The following PKIB variants were observed in gnomAD, a reference collection of about 807,000 sequenced individuals.
PKIB encodes the protein cAMP-dependent protein kinase inhibitor beta.
Under a neutral mutation model 4.5 loss-of-function variants are expected in PKIB, and 2 were observed. That is an observed-to-expected ratio of 0.44 (90% CI 0.18 to 1.39). PKIB has a LOEUF of 1.39. PKIB is among the 40% of genes most tolerant of loss of function. The pLI is 0.27. For synonymous variants in PKIB, 38 were observed against 36.0 expected, an observed-to-expected ratio of 1.06 and a Z score of -0.20; for missense variants, 94 against 92.6, an observed-to-expected ratio of 1.02 and a Z score of -0.06.
chr6:122,711,109 T>A (rs1030103333), intron 3 of PKIB, among the ~76,000 whole-genome samples: 2 of 151,264 alleles, frequency 1.3e-5, no homozygotes, highest in Admixed American at 1.3e-4. Context: ...ATCACTGTAT[T>A]CTGGATAACA....
intron 2 of PKIB, among the ~76,000 whole-genome samples, chr6:122,502,246 G>C (rs979101245): frequency 2.0e-5 from 3 of 151,784 alleles, no homozygotes; most frequent in African/African-American, 7.3e-5. Context: ...TCCAATTTCT[G>C]CCCATTACAT....
At chr6:122,532,052 C>T (rs987496450) in intron 2 of PKIB, among the ~76,000 whole-genome samples, 2 of 152,134 alleles carry the variant, frequency 1.3e-5, no homozygotes, top group African/African-American at 4.8e-5. Flanking sequence ...TAAATGTTTG[C>T]TGTGAGGATC....
intron 3 of PKIB, among the ~76,000 whole-genome samples, chr6:122,603,501 C>A (rs1335564429): frequency 2.6e-5 from 4 of 151,808 alleles, no homozygotes; most frequent in Non-Finnish European, 1.5e-5. Context: ...TTTTTTGAGA[C>A]AGAGTCTCAC....
intron 2 of PKIB, among the ~76,000 whole-genome samples, chr6:122,649,763 CA>C (rs753591638): frequency 6.6e-6 from 1 of 152,114 alleles, no homozygotes; most frequent in Non-Finnish European, 1.5e-5. Context: ...CAGTAGCAGG[CA>C]AAAAGCTGTT....
chr6:122,681,638 A>G (rs1777899489), intron 3 of PKIB, among the ~76,000 whole-genome samples: 1 of 152,238 alleles, frequency 6.6e-6, no homozygotes, highest in Admixed American at 6.5e-5. Flanking sequence ...AAACTTGGAA[A>G]TGGCAACTAT....
At chr6:122,547,657 A>G (rs1033996849) in intron 2 of PKIB, among the ~76,000 whole-genome samples, 1 of 151,904 alleles carries the variant, frequency 6.6e-6, no homozygotes, top group South Asian at 2.1e-4. Context: ...GCTTTCTTAT[A>G]CTGTCTGTCT....
chr6:122,572,095 G>A (rs948907874), intron 2 of PKIB, among the ~76,000 whole-genome samples: 1 of 152,030 alleles, frequency 6.6e-6, no homozygotes, highest in African/African-American at 2.4e-5. Flanking sequence ...GTAAAGGGGT[G>A]GAAGAAGGTA....
chr6:122,553,450 C>T (rs1772740942), intron 2 of PKIB, among the ~76,000 whole-genome samples: 1 of 136,820 alleles, frequency 7.3e-6, no homozygotes, highest in Non-Finnish European at 1.5e-5. Context: ...CACCTTGTTG[C>T]ACTCATCTCT....
chr6:122,539,532 C>G (rs1777522164), intron 2 of PKIB, among the ~76,000 whole-genome samples: 1 of 151,954 alleles, frequency 6.6e-6, no homozygotes, highest in Non-Finnish European at 1.5e-5. Flanking sequence ...GGGATGAAGC[C>G]TACTTGATCA....
intron 2 of PKIB, among the ~76,000 whole-genome samples, chr6:122,488,759 T>C (rs1775847132): frequency 6.6e-6 from 1 of 152,176 alleles, no homozygotes; most frequent in Admixed American, 6.5e-5. Context: ...TGCTCACTGC[T>C]CCTGGGATTA....
chr6:122,647,794 G>C (rs938325954), intron 2 of PKIB, among the ~76,000 whole-genome samples: 15 of 152,200 alleles, frequency 9.9e-5, no homozygotes, highest in Admixed American at 8.5e-4. Context: ...GGTCAATGCT[G>C]GTATTTATGA....
chr6:122,493,114 A>G (rs1286308594), intron 2 of PKIB: 1 of 152,206 alleles, frequency 6.6e-6, no homozygotes, highest in African/African-American at 2.4e-5. Flanking sequence ...CCGAATTTTT[A>G]AAAAGAAATC....
At chr6:122,513,980 G>A (rs1385124203) in intron 2 of PKIB, among the ~76,000 whole-genome samples, 4 of 152,312 alleles carry the variant, frequency 2.6e-5, no homozygotes, top group African/African-American at 4.8e-5. Flanking sequence ...GCTGAAGTCA[G>A]CATTTGCACT....
chr6:122,682,326 G>A (rs1777927407), intron 3 of PKIB, among the ~76,000 whole-genome samples: 1 of 151,908 alleles, frequency 6.6e-6, no homozygotes, highest in South Asian at 2.1e-4. Flanking sequence ...TGGGGGTCCT[G>A]GTCTCCTAGG....
chr6:122,583,829 A>G (rs1773774876), intron 2 of PKIB, among the ~76,000 whole-genome samples: 1 of 152,112 alleles, frequency 6.6e-6, no homozygotes, highest in South Asian at 2.1e-4. Context: ...CTCTGAGACT[A>G]GTGAGAATAG....
chr6:122,553,478 C>CTTCTTTTTTTTTTT (rs1772745899), intron 2 of PKIB, among the ~76,000 whole-genome samples: 1 of 48,928 alleles, frequency 2.0e-5, no homozygotes, highest in Non-Finnish European at 3.5e-5. Flanking sequence ...GCTCAAATAT[C>CTTCTTTTTTTTTTT]TTCTTTTTTT....
At chr6:122,550,621 G>A (rs1485939864) in intron 2 of PKIB, among the ~76,000 whole-genome samples, 1 of 152,030 alleles carries the variant, frequency 6.6e-6, no homozygotes, top group Non-Finnish European at 1.5e-5. Flanking sequence ...ATTTTATGGA[G>A]TCATACATCT....
At position 122,532,180 on chromosome 6, in the gene PKIB, A is replaced by C. The variant is rs9490471; in HGVS notation, c.-247-53741A>C. ...TTGCAGATAACAATTAACTAAGGTG[A>C]AATGAGAAAAATAAAGTATCTACAT... On this transcript the variant is annotated intron_variant, in intron 2 of 6. Transcript: ENST00000392491. 5.7e-4 allele frequency among the ~76,000 whole-genome samples: 87 copies of C among 152,340 alleles called. 1 individual carries two copies. The highest frequency in any genetic ancestry group is 2.1e-3 in the African/African-American group (87 of 41,586).
At chr6:122,576,713 T>A (rs1434964064) in intron 2 of PKIB, among the ~76,000 whole-genome samples, 77 of 130,778 alleles carry the variant, frequency 5.9e-4, no homozygotes, top group African/African-American at 1.1e-3. Flanking sequence ...TATATATATT[T>A]TCTTTTGTAT....
Sources: gnomAD v4.1 joint callset for allele counts (sites outside exome capture counted in the v4.1 genomes callset) on GRCh38, gnomAD v4.1.1 for gene constraint, MANE v1.5 for transcripts, NCBI Gene and HGNC (gene_info 2026-07-23, HGNC 2026-07-21) for gene names.